The following MAPK10 variants were observed in gnomAD, a reference collection of about 807,000 sequenced individuals.
MAPK10 encodes JNK3 alpha protein kinase.
In MAPK10, 25 loss-of-function variants were observed where a neutral mutation model predicts 59.3. That is an observed-to-expected ratio of 0.42 (90% CI 0.31 to 0.59). The LOEUF (loss-of-function observed/expected upper bound fraction) is 0.59. Ranked by LOEUF, MAPK10 falls within the 20% of genes least tolerant of loss-of-function variation. MAPK10 has a pLI of 0.15. For missense variants in MAPK10, 351 were observed against 568.9 expected (o/e 0.62, Z 3.90); for synonymous variants, 190 against 200.5 (o/e 0.95, Z 0.44).
chr4:86,331,187 G>C (rs1235307192), intron 2 of MAPK10, among the ~76,000 whole-genome samples: 1 of 152,090 alleles, frequency 6.6e-6, no homozygotes, highest in Non-Finnish European at 1.5e-5. Context: ...TCTCAAGCTT[G>C]ACTTAAACCA....
At chr4:86,478,012 T>C (rs1014035107) in intron 1 of MAPK10, among the ~76,000 whole-genome samples, 3 of 152,164 alleles carry the variant, frequency 2.0e-5, no homozygotes, top group Admixed American at 2.0e-4. Context: ...ATCTGTTACC[T>C]ATCTCGGCAT....
chr4:86,231,543 G>C (rs1206592942), intron 2 of MAPK10, among the ~76,000 whole-genome samples: 1 of 151,944 alleles, frequency 6.6e-6, no homozygotes, highest in Non-Finnish European at 1.5e-5. Context: ...GGCACCTGTA[G>C]TCCCAGCTAC....
At chr4:86,529,321 C>T (rs1757697322) in intron 1 of MAPK10, among the ~76,000 whole-genome samples, 1 of 152,138 alleles carries the variant, frequency 6.6e-6, no homozygotes. Flanking sequence ...TTTGTGGTTT[C>T]CAATCTCATA....
intron 4 of MAPK10, among the ~76,000 whole-genome samples, chr4:86,150,799 T>C (rs1441744348): frequency 1.3e-5 from 2 of 152,052 alleles, no homozygotes; most frequent in African/African-American, 4.8e-5. Context: ...GAGGTGGAGC[T>C]TGCAGTGAGC....
intron 1 of MAPK10, among the ~76,000 whole-genome samples, chr4:86,380,533 C>T (rs1740539952): frequency 6.6e-6 from 1 of 152,172 alleles, no homozygotes; most frequent in Non-Finnish European, 1.5e-5. Context: ...TTCAGGCCTT[C>T]TGGTTATCAG....
At chr4:86,162,055 T>C (rs2069904510) in intron 3 of MAPK10, among the ~76,000 whole-genome samples, 1 of 151,860 alleles carries the variant, frequency 6.6e-6, no homozygotes, top group Admixed American at 6.6e-5. Context: ...ACCCAACAAA[T>C]GCTGATGATA....
chr4:86,495,088 C>T (rs183649653), intron 1 of MAPK10, among the ~76,000 whole-genome samples: 1 of 152,088 alleles, frequency 6.6e-6, no homozygotes, highest in East Asian at 1.9e-4. Context: ...TCAGACAGAG[C>T]CAGACTTTTC....
chr4:86,494,854 A>C (rs1754750135), intron 1 of MAPK10, among the ~76,000 whole-genome samples: 1 of 130,352 alleles, frequency 7.7e-6, no homozygotes. Context: ...AAAAAAAAAA[A>C]AAAAAAAAAA....
chr4:86,269,677 A>G (rs6855169), intron 2 of MAPK10, among the ~76,000 whole-genome samples: 54,404 of 151,992 alleles, frequency 0.36, 12,640 homozygotes, highest in African/African-American at 0.66. Flanking sequence ...GCAGCACTCT[A>G]TTCCTACCTG....
At chr4:86,427,256 CAAAAAA>C (rs576600795) in intron 1 of MAPK10, among the ~76,000 whole-genome samples, 2 of 93,770 alleles carry the variant, frequency 2.1e-5, no homozygotes, top group Non-Finnish European at 2.1e-5. Flanking sequence ...GATTCTGTCT[CAAAAAA>C]AAAAAAAAAA....
intron 2 of MAPK10, among the ~76,000 whole-genome samples, chr4:86,223,109 A>G (rs2148646464): frequency 6.6e-6 from 1 of 152,332 alleles, no homozygotes; most frequent in Middle Eastern, 3.4e-3. Flanking sequence ...TGGAGGCAAC[A>G]TATTCTGCAT....
chr4:86,308,561 A>C (rs1460754), intron 2 of MAPK10: 94,099 of 151,984 alleles, frequency 0.62, 29,586 homozygotes, highest in South Asian at 0.74. Flanking sequence ...GGCCATCCCC[A>C]CTTTTGCAAG....
At chr4:86,031,664 C>T (rs2039048556) in intron 11 of MAPK10, 5 of 436,682 alleles carry the variant, frequency 1.1e-5, no homozygotes, top group South Asian at 3.8e-5. Context: ...TGCAGCAGAA[C>T]GCAAATCCCG....
chr4:86,101,218 C>T lies in MAPK10; in HGVS notation c.565-1G>A. 1 of 1,612,694 alleles carries T rather than the reference C, an allele frequency of 6.2e-7. No individual in the cohort carries two copies. The highest frequency in any genetic ancestry group is 8.5e-7 in the Non-Finnish European group (1 of 1,179,068). ...CTACAATGTTACTTGGTTTTAAATC[C>T]TAACAGTAAGGATAAGGGAAAAAAT... is the stretch of plus-strand genomic sequence containing the variant. On this transcript the variant is annotated splice_acceptor_variant, in intron 7 of 13. Transcript: ENST00000641462. LOFTEE classifies it high-confidence loss of function.
intron 4 of MAPK10, among the ~76,000 whole-genome samples, chr4:86,128,205 T>C (rs2060389061): frequency 6.6e-6 from 1 of 152,096 alleles, no homozygotes; most frequent in South Asian, 2.1e-4. Context: ...CCCAACTCAT[T>C]TGTTTCTAAA....
At chr4:86,185,299 T>A (rs2149293608) in intron 3 of MAPK10, among the ~76,000 whole-genome samples, 1 of 152,122 alleles carries the variant, frequency 6.6e-6, no homozygotes, top group East Asian at 1.9e-4. Flanking sequence ...GGGTATGCAG[T>A]CAGGTAGTTA....
chr4:86,589,247 G>A (rs552896546), intron 1 of MAPK10, among the ~76,000 whole-genome samples: 2 of 152,198 alleles, frequency 1.3e-5, no homozygotes, highest in South Asian at 4.1e-4. Flanking sequence ...CTATTAGACT[G>A]GGAAAGATAA....
At chr4:86,523,130 C>T (rs551544018) in intron 1 of MAPK10, among the ~76,000 whole-genome samples, 3 of 151,966 alleles carry the variant, frequency 2.0e-5, no homozygotes, top group African/African-American at 7.3e-5. Flanking sequence ...ATTATTAATA[C>T]CTTTATTATT....
intron 4 of MAPK10, among the ~76,000 whole-genome samples, chr4:86,122,231 G>C (rs1310837518): frequency 6.6e-6 from 1 of 152,108 alleles, no homozygotes; most frequent in African/African-American, 2.4e-5. Context: ...AGACTTTCTG[G>C]TGAAGTTTCC....
Sources: gnomAD v4.1 joint callset for allele counts (sites outside exome capture counted in the v4.1 genomes callset) on GRCh38, gnomAD v4.1.1 for gene constraint, MANE v1.5 for transcripts, NCBI Gene and HGNC (gene_info 2026-07-23, HGNC 2026-07-21) for gene names.